ISM1: variants seen among roughly 807,000 people sequenced by gnomAD.
The protein encoded by ISM1 is isthmin-1.
Under a neutral mutation model 46.3 loss-of-function variants are expected in ISM1, and 25 were observed. The ratio of observed to expected loss-of-function variants is 0.54; its 90% CI spans 0.39 to 0.75. The LOEUF is 0.75. Among genes scored for constraint, ISM1 ranks in the 30% least tolerant of loss-of-function variants. The pLI, the probability that ISM1 is intolerant of heterozygous loss-of-function variation, is 0.00. For missense variants in ISM1, 536 were observed against 625.4 expected (o/e 0.86, Z 1.52); for synonymous variants, 255 against 256.7 (o/e 0.99, Z 0.06).
chr20:13,260,659 A>T (rs1007235756), intron 1 of ISM1, among the ~76,000 whole-genome samples: 30 of 150,250 alleles, frequency 2.0e-4, no homozygotes, highest in Non-Finnish European at 1.8e-4. Flanking sequence ...GTGTCTCTTT[A>T]GGATTCCATT....
chr20:13,265,964 G>A (rs2040038381), intron 1 of ISM1, among the ~76,000 whole-genome samples: 1 of 152,152 alleles, frequency 6.6e-6, no homozygotes, highest in African/African-American at 2.4e-5. Context: ...CCTCAGGCCT[G>A]CCAGCCGCCT....
At chr20:13,254,314 A>G (rs983341927) in intron 1 of ISM1, among the ~76,000 whole-genome samples, 2 of 151,910 alleles carry the variant, frequency 1.3e-5, no homozygotes, top group Non-Finnish European at 2.9e-5. Flanking sequence ...CCATATACAT[A>G]TACTTTAAAT....
At chr20:13,288,389 G>A in intron 3 of ISM1, 151 bp from the exon 4 acceptor site, 2 of 805,062 alleles carry the variant, frequency 2.5e-6, no homozygotes, top group East Asian at 2.7e-5. Flanking sequence ...CCCTGGAGCT[G>A]TAAACCTTTT....
At chr20:13,233,108 A>G (rs2123141381) in intron 1 of ISM1, among the ~76,000 whole-genome samples, 1 of 152,174 alleles carries the variant, frequency 6.6e-6, no homozygotes, top group African/African-American at 2.4e-5. Flanking sequence ...ATATTCCTTG[A>G]TTCTCTTGCC....
chr20:13,232,181 A>G (rs1448517786), intron 1 of ISM1, among the ~76,000 whole-genome samples: 1 of 152,180 alleles, frequency 6.6e-6, no homozygotes, highest in Non-Finnish European at 1.5e-5. Context: ...TTGAAGTGCA[A>G]TTGACAACTA....
intron 1 of ISM1, among the ~76,000 whole-genome samples, chr20:13,223,356 G>A (rs879875983): frequency 6.6e-6 from 1 of 151,966 alleles, no homozygotes; most frequent in Admixed American, 6.6e-5. Context: ...TGTTTACTAC[G>A]TGCCACCGTT....
the ISM1 span, among the ~76,000 whole-genome samples, chr20:13,312,228 C>T: frequency 1.3e-5 from 2 of 152,182 alleles, no homozygotes; most frequent in East Asian, 1.9e-4. Flanking sequence ...TGCAATTATG[C>T]TGTGAGTTTA....
At chr20:13,314,853 T>A in the ISM1 span, among the ~76,000 whole-genome samples, 1 of 152,108 alleles carries the variant, frequency 6.6e-6, no homozygotes, top group East Asian at 1.9e-4. Flanking sequence ...GCATGTATGC[T>A]TATGTATAAG....
At chr20:13,323,011 A>G in the ISM1 span, among the ~76,000 whole-genome samples, 1 of 152,170 alleles carries the variant, frequency 6.6e-6, no homozygotes, top group Non-Finnish European at 1.5e-5. Flanking sequence ...AGAAAACGCC[A>G]CAGTCCTTCC....
rs79180615 is a variant in ISM1 at position 13,242,956 on chromosome 20, A to G, written c.138+21042A>G. Among the ~76,000 whole-genome samples, 191 of 152,320 alleles carry G rather than the reference A, an allele frequency of 1.3e-3. No individual in the cohort carries two copies. The East Asian group carries it at 0.018, about 15-fold the overall frequency. ...AATATTGACTTATTTAACCGTCAAA[A>G]CAACACCTTGAGGTAGGCATTATTG... On this transcript the variant is annotated intron_variant, in intron 1 of 5. Transcript: ENST00000262487.
intron 1 of ISM1, chr20:13,244,397 A>AAAAAC (rs2039769471): frequency 2.0e-5 from 3 of 152,080 alleles, no homozygotes; most frequent in Non-Finnish European, 2.9e-5. Context: ...CAAAAAAAAA[A>AAAAAC]AAAACCAGCA....
intron 1 of ISM1, among the ~76,000 whole-genome samples, chr20:13,269,847 G>T (rs1011407856): frequency 6.6e-6 from 1 of 152,008 alleles, no homozygotes; most frequent in Admixed American, 6.6e-5. Flanking sequence ...AAAATAATAG[G>T]TCTCATGTCT....
At chr20:13,234,654 GT>G (rs1445271022) in intron 1 of ISM1, among the ~76,000 whole-genome samples, 1 of 152,164 alleles carries the variant, frequency 6.6e-6, no homozygotes, top group East Asian at 1.9e-4. Flanking sequence ...ATTCTGACTT[GT>G]GTAAAATGGT....
intron 1 of ISM1, among the ~76,000 whole-genome samples, chr20:13,233,511 C>T (rs1568663007): frequency 6.7e-6 from 1 of 149,754 alleles, no homozygotes; most frequent in Non-Finnish European, 1.5e-5. Context: ...AGGAAAATTG[C>T]TTGAACCAGG....
intron 3 of ISM1, among the ~76,000 whole-genome samples, chr20:13,286,514 T>C (rs912528838): frequency 6.6e-6 from 1 of 152,212 alleles, no homozygotes; most frequent in Non-Finnish European, 1.5e-5. Context: ...TGGAAAACCA[T>C]TTCTTAGGAG....
the ISM1 span, among the ~76,000 whole-genome samples, chr20:13,315,359 C>T: frequency 2.0e-5 from 3 of 151,970 alleles, no homozygotes; most frequent in African/African-American, 7.2e-5. Context: ...ACATGTTATG[C>T]TTGCACCAAT....
chr20:13,306,564 C>CAAAAAAAAAAAAGA, the ISM1 span, among the ~76,000 whole-genome samples: 1 of 63,914 alleles, frequency 1.6e-5, no homozygotes, highest in Non-Finnish European at 2.6e-5. Flanking sequence ...GGAGAAAGGA[C>CAAAAAAAAAAAAGA]AAAAAAAAAA....
At chr20:13,244,523 G>A (rs976750834) in intron 1 of ISM1, 1 of 152,148 alleles carries the variant, frequency 6.6e-6, no homozygotes, top group African/African-American at 2.4e-5. Context: ...GATGACTAGT[G>A]AAAAGAATTT....
chr20:13,225,147 C>T (rs1020038865), intron 1 of ISM1, among the ~76,000 whole-genome samples: 4 of 152,084 alleles, frequency 2.6e-5, no homozygotes, highest in Non-Finnish European at 4.4e-5. Context: ...GCCACCGCGC[C>T]CGGCCCATAC....
Sources: allele counts gnomAD v4.1 joint callset (sites outside exome capture counted in the v4.1 genomes callset), GRCh38; gene constraint gnomAD v4.1.1; transcripts MANE v1.5; gene names NCBI Gene and HGNC (gene_info 2026-07-23, HGNC 2026-07-21).